FAAH2: variants seen among roughly 807,000 people sequenced by gnomAD.
FAAH2 encodes the protein fatty-acid amide hydrolase 2.
A neutral mutation model predicts 36.9 loss-of-function variants in FAAH2; 60 were observed. The observed-to-expected ratio is 1.63, with a 90% confidence interval of 1.32 to 2.02. The LOEUF is 2.02. FAAH2 is among the 30% of genes most tolerant of loss of function. The probability of loss-of-function intolerance (pLI) is 0.00; values close to 1 mark genes in which losing one functional copy is unlikely to be tolerated. For missense variants in FAAH2, 689 were observed against 397.5 expected (o/e 1.73, Z -6.23); for synonymous variants, 214 against 143.8 (o/e 1.49, Z -3.49).
the FAAH2 span, among the ~76,000 whole-genome samples, chrX:57,157,256 C>G: frequency 8.9e-6 from 1 of 111,769 alleles, no homozygotes; most frequent in Admixed American, 9.5e-5. Context: ...CCTGCTGAAT[C>G]TCAATTCCAT....
the FAAH2 span, among the ~76,000 whole-genome samples, chrX:57,228,508 T>C: frequency 9.0e-6 from 1 of 111,065 alleles, no homozygotes; most frequent in Admixed American, 9.5e-5. Context: ...TTGTCTCCCG[T>C]GTCCTGCAGG....
chrX:57,485,097 A>T (rs1384409052), intron 10 of FAAH2, among the ~76,000 whole-genome samples: 1 of 111,806 alleles, frequency 8.9e-6, no homozygotes. Flanking sequence ...TGGACCTTTC[A>T]TTGGGTAGGG....
rs186095870 is a variant in FAAH2 at position 57,427,830 on chromosome X, C to T, written c.997-4088C>T. Among the ~76,000 whole-genome samples the T allele has an allele frequency of 4.2e-3, 305 of 72,570 alleles. 2 individuals carry two copies. Among genetic ancestry groups the T allele is most frequent in the Non-Finnish European group, 8.0e-3 (222 of 27,900 alleles). The allele number at this position is 72,570 out of a possible 115,157, so 63.0% of individuals were successfully genotyped here. ...TGGGGAAAAGTTGAAAGCATTCTTTCTAAAAACTGAAACAAGACAAAAATG... is the reference window on the plus strand; with the variant it reads ...TGGGGAAAAGTTGAAAGCATTCTTTTTAAAAACTGAAACAAGACAAAAATG... On this transcript the variant is annotated intron_variant, in intron 7 of 10. Coordinates refer to ENST00000374900, the MANE Select transcript of FAAH2 (RefSeq NM_174912.4).
chrX:57,378,652 T>A lies in FAAH2; in HGVS notation c.744T>A (p.Gly248=). Residue 248 remains glycine (G), a splice_region_variant and synonymous_variant, in exon 6 of 11, where the codon GGT becomes GGA. Coordinates refer to ENST00000374900, the MANE Select transcript of FAAH2 (RefSeq NM_174912.4). Reference sequence around the variant, plus strand: ...TAACCTGACTGTCTATCCTTTCAGGTGTGGTTCCCAACAAAGGTCAGTTTC... The same window carrying A: ...TAACCTGACTGTCTATCCTTTCAGGAGTGGTTCCCAACAAAGGTCAGTTTC... The part of the protein sequence containing the change: ...NGIFGHKPSP[G]VVPNKGQFPL... 8.3e-7 allele frequency: 1 copy of A among 1,211,005 alleles called. No homozygotes were observed. Among genetic ancestry groups the A allele is most frequent in the East Asian group, 3.0e-5 (1 of 33,796 alleles).
At chrX:57,223,587 T>A in the FAAH2 span, among the ~76,000 whole-genome samples, 1 of 111,146 alleles carries the variant, frequency 9.0e-6, no homozygotes, top group East Asian at 2.9e-4. Context: ...CCAAGGCTCC[T>A]TCCAGCCACC....
intron 7 of FAAH2, among the ~76,000 whole-genome samples, chrX:57,419,472 T>C (rs1006352896): frequency 1.8e-5 from 2 of 112,464 alleles, no homozygotes; most frequent in Admixed American, 1.9e-4. Context: ...TGGCCAGTGA[T>C]GGTGAGCATT....
the FAAH2 span, among the ~76,000 whole-genome samples, chrX:57,124,916 G>A: frequency 8.9e-6 from 1 of 111,914 alleles, no homozygotes; most frequent in Non-Finnish European, 1.9e-5. Context: ...TGAGATGATG[G>A]GGTTTTCTAG....
chrX:57,285,269 CGTT>C (rs766734942), upstream of FAAH2, among the ~76,000 whole-genome samples: 5 of 111,759 alleles, frequency 4.5e-5, no homozygotes, highest in Non-Finnish European at 9.4e-5. Flanking sequence ...ACCTGGATGA[CGTT>C]GTCATTTCAC....
the FAAH2 span, among the ~76,000 whole-genome samples, chrX:57,130,755 ATTAC>A: frequency 4.5e-5 from 5 of 111,612 alleles, no homozygotes; most frequent in African/African-American, 1.3e-4. Flanking sequence ...AATATGTGCT[ATTAC>A]TTATTTAAAC....
At chrX:57,172,064 T>C in the FAAH2 span, among the ~76,000 whole-genome samples, 25 of 111,339 alleles carry the variant, frequency 2.2e-4, no homozygotes, top group East Asian at 6.8e-3. Flanking sequence ...TGATTGTAAG[T>C]ATTTGGCTTT....
chrX:57,297,508 T>A (rs1412320793), intron 2 of FAAH2, among the ~76,000 whole-genome samples: 1 of 97,281 alleles, frequency 1.0e-5, no homozygotes, highest in Admixed American at 1.2e-4. Flanking sequence ...CCTGCCAAAT[T>A]GTAAAGACCA....
chrX:57,247,644 G>A, the FAAH2 span, among the ~76,000 whole-genome samples: 1 of 111,656 alleles, frequency 9.0e-6, no homozygotes, highest in Non-Finnish European at 1.9e-5. Context: ...ATGATCAAAG[G>A]CAAATCACCA....
rs868368626 is a variant in FAAH2 at position 57,432,004 on chromosome X, C to T, written c.1083C>T (p.Ile361=). 31 of 1,205,127 alleles carry T rather than the reference C, an allele frequency of 2.6e-5. No homozygotes were observed. The highest frequency in any genetic ancestry group is 7.1e-5 in the South Asian group (4 of 56,169). The part of the protein sequence containing the change: ...KKMKYSFQLW[I]AMMSAKGHDG... ...TGAAGTACTCTTTTCAGTTGTGGAT[C>T]GCAATGATGTCAGCAAAGGGACATG... The change falls in exon 8 of 11, where the codon ATC becomes ATT. Residue 361 remains isoleucine (I), a synonymous_variant. Coordinates refer to ENST00000374900, the MANE Select transcript of FAAH2 (RefSeq NM_174912.4).
chrX:57,286,204 A>G (rs1255220930), upstream of FAAH2, among the ~76,000 whole-genome samples: 2 of 112,065 alleles, frequency 1.8e-5, no homozygotes, highest in African/African-American at 6.5e-5. Context: ...TTTGATGTTC[A>G]TCAGTACTAC....
At chrX:57,422,542 A>G (rs2056063233) in intron 7 of FAAH2, among the ~76,000 whole-genome samples, 1 of 111,925 alleles carries the variant, frequency 8.9e-6, no homozygotes, top group Non-Finnish European at 1.9e-5. Context: ...AGATGGTTTC[A>G]TGGACTCACT....
At chrX:57,248,238 C>A in the FAAH2 span, among the ~76,000 whole-genome samples, 1 of 112,030 alleles carries the variant, frequency 8.9e-6, no homozygotes, top group Non-Finnish European at 1.9e-5. Context: ...AACTTTAAAG[C>A]TAGTTCTGGC....
the FAAH2 span, chrX:57,137,127 C>T: frequency 2.5e-5 from 19 of 766,851 alleles, no homozygotes; most frequent in Non-Finnish European, 2.9e-5. Flanking sequence ...CCTTGCCTGG[C>T]GCCCAACTCC....
the FAAH2 span, among the ~76,000 whole-genome samples, chrX:57,160,493 T>C: frequency 8.9e-6 from 1 of 111,995 alleles, no homozygotes; most frequent in Non-Finnish European, 1.9e-5. Flanking sequence ...GTTTGTAAGC[T>C]ATTAATTATT....
chrX:57,279,507 C>T, the FAAH2 span, among the ~76,000 whole-genome samples: 10 of 111,141 alleles, frequency 9.0e-5, no homozygotes, highest in East Asian at 5.7e-4. Flanking sequence ...ATGTAGGTGA[C>T]GGGTTGATGG....
Sources: gnomAD v4.1 joint callset for allele counts (sites outside exome capture counted in the v4.1 genomes callset) on GRCh38, gnomAD v4.1.1 for gene constraint, MANE v1.5 for transcripts, NCBI Gene and HGNC (gene_info 2026-07-23, HGNC 2026-07-21) for gene names.